TCF4: variants seen among roughly 807,000 people sequenced by gnomAD.
TCF4 encodes transcription factor 4.
In TCF4, 3 loss-of-function variants were observed where a neutral mutation model predicts 82.1. That is an observed-to-expected ratio of 0.04 (90% CI 0.02 to 0.09). TCF4 has a LOEUF of 0.09. Among genes scored for constraint, TCF4 ranks in the 10% least tolerant of loss-of-function variants. TCF4 has a pLI of 1.00. For missense variants in TCF4, 518 were observed against 852.7 expected (o/e 0.61, Z 4.89); for synonymous variants, 276 against 309.6 (o/e 0.89, Z 1.14).
intron 15 of TCF4, among the ~76,000 whole-genome samples, chr18:55,244,696 G>C (rs1351452798): frequency 1.3e-5 from 2 of 152,082 alleles, no homozygotes; most frequent in African/African-American, 4.8e-5. Flanking sequence ...ATATCTCAAG[G>C]TTTAGACATT....
At position 55,520,301 on chromosome 18, in the gene TCF4, G is replaced by A. The variant is rs186843224; in HGVS notation, c.146-56164C>T. Among the ~76,000 whole-genome samples, 29 of 152,020 alleles carry A rather than the reference G, an allele frequency of 1.9e-4. No individual in the cohort carries two copies. The East Asian group carries it at 3.5e-3, about 18-fold the overall frequency. On this transcript the variant is annotated intron_variant, in intron 3 of 19. Coordinates refer to ENST00000354452, the MANE Select transcript of TCF4 (RefSeq NM_001083962.2). ...TGTAAAATAAAGCTTGTCTATAAAC[G>A]CATTGAGTCACTTAAATAAAAAGCA...
rs1272627493 is a variant in TCF4, at chr18:55,254,709, T to A, written c.1147-9A>T. 1 of 1,601,490 alleles carries A rather than the reference T, an allele frequency of 6.2e-7. No individual in the cohort carries two copies. Among genetic ancestry groups the A allele is most frequent in the Non-Finnish European group, 8.5e-7 (1 of 1,173,446 alleles). ...TCTTCAATTCGGCTTTGCTGTTGGT[T>A]AACAAATGATGTAAAATTTGATTTA... On this transcript the variant is annotated splice_polypyrimidine_tract_variant and intron_variant, in intron 14 of 19. Transcript: ENST00000354452.
chr18:55,422,374 T>C (rs1201078541), intron 5 of TCF4: 1 of 984,778 alleles, frequency 1.0e-6, no homozygotes, highest in African/African-American at 1.8e-5. Context: ...TTAAATAGTC[T>C]TGAAAGGGAA....
chr18:55,314,586 A>G (rs1345816544), intron 8 of TCF4, among the ~76,000 whole-genome samples: 1 of 150,260 alleles, frequency 6.7e-6, no homozygotes, highest in Non-Finnish European at 1.5e-5. Flanking sequence ...AAAAAAGACC[A>G]CACATTCTAG....
At chr18:55,322,425 GAAAAAA>G (rs967879627) in intron 8 of TCF4, 394 of 776,746 alleles carry the variant, frequency 5.1e-4, no homozygotes, top group Middle Eastern at 6.6e-4. Flanking sequence ...GGGGAGGGAA[GAAAAAA>G]AAAAAAAAAA....
intron 6 of TCF4, among the ~76,000 whole-genome samples, chr18:55,385,515 C>T (rs1163947467): frequency 3.3e-5 from 5 of 152,170 alleles, no homozygotes; most frequent in Non-Finnish European, 5.9e-5. Context: ...GATTCTCCTG[C>T]CTCAGCATCC....
intron 6 of TCF4, among the ~76,000 whole-genome samples, chr18:55,364,144 T>C (rs1019933362): frequency 6.6e-6 from 1 of 152,210 alleles, no homozygotes; most frequent in Admixed American, 6.5e-5. Context: ...AGTTAAAATG[T>C]ACTGCAGAAT....
At chr18:55,366,665 G>C (rs1020399656) in intron 6 of TCF4, among the ~76,000 whole-genome samples, 1 of 152,176 alleles carries the variant, frequency 6.6e-6, no homozygotes, top group African/African-American at 2.4e-5. Flanking sequence ...AATTCCCTTA[G>C]AATATTTGCA....
intron 6 of TCF4, among the ~76,000 whole-genome samples, chr18:55,399,812 CAGAT>C (rs2093692896): frequency 2.0e-5 from 3 of 149,850 alleles, no homozygotes; most frequent in South Asian, 4.2e-4. Context: ...TGATTGGTCT[CAGAT>C]AGGCAGCTTT....
intron 3 of TCF4, 27 bp downstream of exon 3, chr18:55,585,253 T>G: frequency 6.2e-7 from 1 of 1,605,542 alleles, no homozygotes; most frequent in East Asian, 2.2e-5. Context: ...AACATTTAAC[T>G]TAACACTAAG....
chr18:55,500,385 A>G (rs2096684783), intron 3 of TCF4, among the ~76,000 whole-genome samples: 2 of 152,204 alleles, frequency 1.3e-5, no homozygotes, highest in Non-Finnish European at 2.9e-5. Context: ...AAAAATAAAG[A>G]GAAAAGAAAT....
chr18:55,457,004 C>T (rs1440831678), intron 5 of TCF4, among the ~76,000 whole-genome samples: 1 of 152,162 alleles, frequency 6.6e-6, no homozygotes, highest in Non-Finnish European at 1.5e-5. Flanking sequence ...CATGGAATTT[C>T]AACTAAGGCA....
intron 3 of TCF4, among the ~76,000 whole-genome samples, chr18:55,478,560 A>G (rs982206411): frequency 6.6e-6 from 1 of 152,144 alleles, no homozygotes; most frequent in Non-Finnish European, 1.5e-5. Context: ...CACAAAAGAA[A>G]CCGCGAAATC....
intron 5 of TCF4, among the ~76,000 whole-genome samples, chr18:55,437,650 G>A (rs946060890): frequency 2.6e-5 from 4 of 152,054 alleles, no homozygotes; most frequent in African/African-American, 9.7e-5. Context: ...AGAAATTCCT[G>A]TTTAAATAAC....
intron 2 of TCF4, among the ~76,000 whole-genome samples, chr18:55,618,038 A>G: frequency 6.6e-6 from 1 of 152,142 alleles, no homozygotes; most frequent in Non-Finnish European, 1.5e-5. Flanking sequence ...TCTTAGAGGA[A>G]AAGTTTTCAG....
At chr18:55,468,039 C>T (rs2096069651) in intron 3 of TCF4, among the ~76,000 whole-genome samples, 1 of 152,212 alleles carries the variant, frequency 6.6e-6, no homozygotes, top group Non-Finnish European at 1.5e-5. Context: ...AATGTCACAT[C>T]TCTGTCTAAC....
chr18:55,401,545 C>T (rs1335304726), intron 6 of TCF4: 12 of 989,540 alleles, frequency 1.2e-5, no homozygotes, highest in Non-Finnish European at 1.4e-5. Context: ...ATCCATCCAC[C>T]TCTCTTCCAC....
At chr18:55,476,737 G>A (rs2096297204) in intron 3 of TCF4, among the ~76,000 whole-genome samples, 1 of 152,068 alleles carries the variant, frequency 6.6e-6, no homozygotes, top group Admixed American at 6.6e-5. Context: ...CAAAATGCTG[G>A]GATTATAGGC....
rs1401259229 is a variant in TCF4 at position 55,633,249 on chromosome 18, T to C, written c.196-1861A>G. 6.6e-6 allele frequency among the ~76,000 whole-genome samples: 1 copy of C among 152,226 alleles called. No individual in the cohort carries two copies. Among genetic ancestry groups the C allele is most frequent in the Non-Finnish European group, 1.5e-5 (1 of 68,038 alleles). ...GTTCCTCTAAAGGATTGACCAAGCCTGCAGTATCAGCTTCTAAGGTGGCTC... is the reference window on the plus strand; with the variant it reads ...GTTCCTCTAAAGGATTGACCAAGCCCGCAGTATCAGCTTCTAAGGTGGCTC... On this transcript the variant is annotated intron_variant, in intron 1 of 20. Coordinates refer to the TCF4 transcript ENST00000398339. The surrounding 1 kb of genome is among the most constrained non-coding windows in gnomAD (Gnocchi z 4.0).
Sources: gnomAD v4.1 joint callset for allele counts (sites outside exome capture counted in the v4.1 genomes callset) on GRCh38, gnomAD v4.1.1 for gene constraint, Gnocchi (gnomAD v3.1) non-coding constraint, MANE v1.5 for transcripts, NCBI Gene and HGNC (gene_info 2026-07-23, HGNC 2026-07-21) for gene names.